DNAH11: variants seen among roughly 807,000 people sequenced by gnomAD.
DNAH11 encodes the protein axonemal beta dynein heavy chain 11.
DNAH11 carries 442 observed loss-of-function variants against 526.0 expected under a neutral mutation model. The ratio of observed to expected loss-of-function variants is 0.84; its 90% CI spans 0.78 to 0.91. The LOEUF is 0.91. Ranked by LOEUF, DNAH11 falls within the 40% of genes least tolerant of loss-of-function variation. The pLI, the probability that DNAH11 is intolerant of heterozygous loss-of-function variation, is 0.00. For missense variants in DNAH11, 6,989 were observed against 5,448.7 expected, an observed-to-expected ratio of 1.28 and a Z score of -8.90; for synonymous variants, 2,461 against 1,935.9, an observed-to-expected ratio of 1.27 and a Z score of -7.12.
Position 21,543,500 on chromosome 7 carries a change from C to G in DNAH11, c.255C>G (p.Asp85Glu). 1 of 1,607,622 alleles carries G rather than the reference C, an allele frequency of 6.2e-7. No homozygotes were observed. ...EKWSQYLESE[D>E]NRQVLGEFLE... ...GGAGCCAGTATTTGGAAAGCGAGGA[C>G]AACCGGCAGGTTCTTGGGGAGTTTC... Residue 85 changes from aspartate to glutamate, a missense_variant, in exon 1 of 82, where the codon GAC becomes GAG. By Grantham distance (45) the Asp-to-Glu change is conservative (BLOSUM62 2). Coordinates refer to ENST00000409508, the MANE Select transcript of DNAH11 (RefSeq NM_001277115.2).
At chr7:21,881,495 A>C (rs1164561877) in intron 75 of DNAH11, among the ~76,000 whole-genome samples, 3 of 152,224 alleles carry the variant, frequency 2.0e-5, no homozygotes, top group Non-Finnish European at 4.4e-5. Context: ...CTCATCAAGA[A>C]CATTTGTGTA....
intron 11 of DNAH11, 33 bp from the exon 12 acceptor site, chr7:21,589,175 G>T (rs146509541): frequency 1.3e-6 from 2 of 1,513,200 alleles, no homozygotes; most frequent in Non-Finnish European, 9.0e-7. Flanking sequence ...TCTAATATAC[G>T]TATAAACCAG....
intron 66 of DNAH11, among the ~76,000 whole-genome samples, chr7:21,844,745 T>C (rs1475909621): frequency 6.6e-6 from 1 of 152,220 alleles, no homozygotes; most frequent in East Asian, 1.9e-4. Context: ...CCAGCAATCA[T>C]GTTTTACTAA....
chr7:21,589,408 G>A lies in DNAH11; in HGVS notation c.2169+5G>A, dbSNP rs1784596424. 2 of 1,585,034 alleles carry A rather than the reference G, an allele frequency of 1.3e-6. No individual in the cohort carries two copies. Among genetic ancestry groups the A allele is most frequent in the Non-Finnish European group, 1.7e-6 (2 of 1,168,816 alleles). On this transcript the variant is annotated splice_donor_5th_base_variant and intron_variant, in intron 12 of 81. Transcript: ENST00000409508. ...TGTGTCAATTTTGACCCAAAGGTAG[G>A]GATTTGATTTTTTAAGATGATTTAT...
intron 73 of DNAH11, among the ~76,000 whole-genome samples, chr7:21,871,830 G>C (rs1186590233): frequency 7.2e-5 from 2 of 27,634 alleles, no homozygotes; most frequent in Non-Finnish European, 2.7e-4. Flanking sequence ...ATTGGTTTAA[G>C]ACCCTTCATT....
chr7:21,738,665 T>C, intron 46 of DNAH11, 36 bp from the exon 47 acceptor site: 1 of 1,515,068 alleles, frequency 6.6e-7, no homozygotes, highest in Non-Finnish European at 8.8e-7. Context: ...ATTTACATTC[T>C]GTTGATGGGT....
intron 30 of DNAH11, among the ~76,000 whole-genome samples, chr7:21,669,241 C>T (rs148777182): frequency 4.2e-4 from 62 of 149,304 alleles, no homozygotes; most frequent in African/African-American, 1.4e-3. Context: ...AGTGCAGTGG[C>T]ACAATCTGCA....
intron 61 of DNAH11, among the ~76,000 whole-genome samples, chr7:21,798,453 T>A (rs1316247114): frequency 6.6e-6 from 1 of 152,190 alleles, no homozygotes; most frequent in East Asian, 1.9e-4. Context: ...GTATACCATG[T>A]GTGATTTGAC....
chr7:21,588,001 A>T, intron 9 of DNAH11, 63 bp from the exon 10 acceptor site: 1 of 1,523,786 alleles, frequency 6.6e-7, no homozygotes, highest in East Asian at 2.3e-5. Context: ...GGGGAACATT[A>T]TGAGCTGAGT....
chr7:21,751,447 A>T (rs1216143963), intron 54 of DNAH11, among the ~76,000 whole-genome samples: 3 of 152,212 alleles, frequency 2.0e-5, no homozygotes, highest in Non-Finnish European at 4.4e-5. Context: ...AGATCAGTAA[A>T]GGTCAAGTAT....
At chr7:21,545,988 C>A (rs1348560520) in intron 2 of DNAH11, among the ~76,000 whole-genome samples, 1 of 152,194 alleles carries the variant, frequency 6.6e-6, no homozygotes, top group East Asian at 1.9e-4. Context: ...AGCCAAGTAG[C>A]AGCAGTTGTT....
chr7:21,753,810 G>A (rs1244501398), intron 54 of DNAH11, among the ~76,000 whole-genome samples: 2 of 152,054 alleles, frequency 1.3e-5, no homozygotes, highest in Non-Finnish European at 2.9e-5. Flanking sequence ...GTTTGGATAA[G>A]GATTAGCATC....
chr7:21,568,045 G>T (rs931880316), intron 6 of DNAH11, among the ~76,000 whole-genome samples: 2 of 152,154 alleles, frequency 1.3e-5, no homozygotes, highest in African/African-American at 4.8e-5. Context: ...GTCGAGTGTG[G>T]AGTGGAGCTG....
intron 63 of DNAH11, among the ~76,000 whole-genome samples, chr7:21,811,202 C>T (rs988200704): frequency 2.0e-5 from 3 of 152,126 alleles, no homozygotes; most frequent in African/African-American, 4.8e-5. Context: ...GTGGCTAATG[C>T]GTGTAATCCC....
At chr7:21,839,159 A>G (rs1782108124) in intron 65 of DNAH11, among the ~76,000 whole-genome samples, 1 of 152,090 alleles carries the variant, frequency 6.6e-6, no homozygotes, top group Non-Finnish European at 1.5e-5. Context: ...ATGTTTATTT[A>G]GTTCTTTTAC....
At chr7:21,658,018 A>G (rs936244436) in intron 29 of DNAH11, among the ~76,000 whole-genome samples, 2 of 152,142 alleles carry the variant, frequency 1.3e-5, no homozygotes, top group South Asian at 2.1e-4. Context: ...ATGGTCAATT[A>G]TTTGCAAATA....
At chr7:21,680,496 A>G (rs1015831880) in intron 30 of DNAH11, among the ~76,000 whole-genome samples, 5 of 152,210 alleles carry the variant, frequency 3.3e-5, no homozygotes, top group Admixed American at 1.3e-4. Flanking sequence ...TCTGACCACA[A>G]TTCACCATAA....
At position 21,591,445 on chromosome 7, in the gene DNAH11, C is replaced by T; in HGVS notation, c.2535C>T (p.Ala845=). 6.2e-7 allele frequency: 1 copy of T among 1,613,922 alleles called. No homozygotes were observed. Among genetic ancestry groups the T allele is most frequent in the Non-Finnish European group, 8.5e-7 (1 of 1,179,874 alleles). Residue 845 remains alanine, a synonymous_variant, in exon 14 of 82, where the codon GCC becomes GCT. Transcript: ENST00000409508. ...TCCAGCAGACCATGAGGGGCTGGGCCAGGTGCGTGCTACCTCCCAGGAGAG... is the reference window on the plus strand; with the variant it reads ...TCCAGCAGACCATGAGGGGCTGGGCTAGGTGCGTGCTACCTCCCAGGAGAG... ...KVIQQTMRGW[A]RCVLPPRREH...
rs775455197 is a variant in DNAH11, at chr7:21,610,253, C to CA, written c.3852+3527dup. Among the ~76,000 whole-genome samples, 10 of 151,872 alleles carry CA rather than the reference C, an allele frequency of 6.6e-5. No individual in the cohort carries two copies. The East Asian group carries it at 1.5e-3, about 23-fold the overall frequency. The stretch of plus-strand genomic sequence containing the variant: ...TGGGCGACAGTGCGAGACTCCATCT[C>CA]AAAAAAACAAAAACAAAACAGAAAA... On this transcript the variant is annotated intron_variant, in intron 20 of 81. Coordinates refer to ENST00000409508, the MANE Select transcript of DNAH11 (RefSeq NM_001277115.2).
Sources: gnomAD v4.1 joint callset for allele counts (sites outside exome capture counted in the v4.1 genomes callset) on GRCh38, gnomAD v4.1.1 for gene constraint, MANE v1.5 for transcripts, NCBI Gene and HGNC (gene_info 2026-07-23, HGNC 2026-07-21) for gene names.